Variants in SCML4 observed in about 807,000 individuals in gnomAD.
SCML4 encodes Scm polycomb group protein like 4, also known as sex comb on midleg-like protein 4.
SCML4 carries 34 observed loss-of-function variants against 41.1 expected under a neutral mutation model. The ratio of observed to expected loss-of-function variants is 0.83; its 90% CI spans 0.63 to 1.10. The LOEUF (loss-of-function observed/expected upper bound fraction) is 1.10, where lower values mean the gene tolerates loss of function less well. Among genes scored for constraint, SCML4 ranks in the 50% least tolerant of loss-of-function variants. The pLI, the probability that SCML4 is intolerant of heterozygous loss-of-function variation, is 0.00. For missense variants in SCML4, 522 were observed against 534.1 expected, an observed-to-expected ratio of 0.98 and a Z score of 0.22; for synonymous variants, 214 against 220.9, an observed-to-expected ratio of 0.97 and a Z score of 0.28.
chr6:107,802,548 C>G (rs576175709), intron 1 of SCML4, among the ~76,000 whole-genome samples: 1 of 143,964 alleles, frequency 6.9e-6, no homozygotes, highest in South Asian at 2.2e-4. Context: ...GTCTTTCAGG[C>G]CACTTAAGAG....
At chr6:107,723,971 A>C (rs966108870) in intron 5 of SCML4, among the ~76,000 whole-genome samples, 2 of 152,178 alleles carry the variant, frequency 1.3e-5, no homozygotes, top group Non-Finnish European at 2.9e-5. Context: ...ATGACCAAGT[A>C]GGATTTATCC....
intron 3 of SCML4, among the ~76,000 whole-genome samples, chr6:107,749,112 G>C (rs1158375504): frequency 6.6e-6 from 1 of 152,024 alleles, no homozygotes; most frequent in East Asian, 1.9e-4. Context: ...AGGATTCTCT[G>C]TGTGTGTGCG....
Position 107,821,897 on chromosome 6 carries a change from CAT to C in SCML4, c.-60+2227_-60+2228del, listed in dbSNP as rs201046676. Among the ~76,000 whole-genome samples the C allele has an allele frequency of 3.4e-3, 514 of 152,316 alleles. 3 individuals carry two copies. The highest frequency in any genetic ancestry group is 0.016 in the East Asian group (84 of 5,176). On this transcript the variant is annotated intron_variant, in intron 1 of 7. Coordinates refer to ENST00000369020, the MANE Select transcript of SCML4 (RefSeq NM_198081.5). ...GCGTGTCATAAAGGATGTGTGGACA[CAT>C]GTGTGATGTGTCCTCAGGCCACACA...
At chr6:107,775,174 T>A (rs932991691) in intron 1 of SCML4, among the ~76,000 whole-genome samples, 6 of 152,210 alleles carry the variant, frequency 3.9e-5, no homozygotes, top group African/African-American at 1.4e-4. Context: ...ATTTTTTTCC[T>A]GTTATTTATA....
intron 1 of SCML4, among the ~76,000 whole-genome samples, chr6:107,821,443 A>G (rs1562292712): frequency 6.6e-6 from 1 of 152,254 alleles, no homozygotes. Flanking sequence ...TGTGCCCACC[A>G]AAAGAAAGAA....
chr6:107,799,260 A>T (rs1782930249), intron 1 of SCML4, among the ~76,000 whole-genome samples: 1 of 152,226 alleles, frequency 6.6e-6, no homozygotes, highest in Admixed American at 6.5e-5. Flanking sequence ...GTACAAATAC[A>T]TTAAGAGTTT....
the SCML4 span, among the ~76,000 whole-genome samples, chr6:107,832,002 G>C: frequency 6.6e-6 from 1 of 151,590 alleles, no homozygotes; most frequent in East Asian, 1.9e-4. Context: ...GGTGGAGCTT[G>C]CAGTGAGCCG....
chr6:107,716,475 ACTGT>A (rs760763157), intron 6 of SCML4, among the ~76,000 whole-genome samples: 22 of 152,306 alleles, frequency 1.4e-4, no homozygotes, highest in Non-Finnish European at 3.2e-4. Context: ...TAAGTCGGAA[ACTGT>A]CTGGCCCCCT....
chr6:107,827,025 T>C (rs1367883574), upstream of SCML4, among the ~76,000 whole-genome samples: 1 of 151,858 alleles, frequency 6.6e-6, no homozygotes, highest in Admixed American at 6.6e-5. Context: ...ATCACGCCAC[T>C]GCACTACAGC....
intron 5 of SCML4, among the ~76,000 whole-genome samples, chr6:107,724,544 AAG>A (rs1181797069): frequency 1.8e-4 from 27 of 152,212 alleles, no homozygotes; most frequent in Admixed American, 1.8e-3. Flanking sequence ...TAGTATGAAA[AAG>A]AATAAATAAA....
chr6:107,808,802 G>T (rs945901427), intron 1 of SCML4, among the ~76,000 whole-genome samples: 5 of 152,076 alleles, frequency 3.3e-5, no homozygotes, highest in African/African-American at 9.7e-5. Context: ...ATATGTTGGG[G>T]ATGTGTACTC....
At chr6:107,760,604 G>A (rs1033625824) in intron 2 of SCML4, among the ~76,000 whole-genome samples, 1 of 152,090 alleles carries the variant, frequency 6.6e-6, no homozygotes, top group Non-Finnish European at 1.5e-5. Flanking sequence ...CAGTGTCTCA[G>A]GTGACTGGAA....
the SCML4 span, among the ~76,000 whole-genome samples, chr6:107,829,765 C>CAAAT: frequency 3.6e-5 from 4 of 111,938 alleles, no homozygotes; most frequent in East Asian, 4.2e-4. Context: ...AATAAACAAA[C>CAAAT]AAATAAATAA....
At chr6:107,713,823 G>A (rs951649490) in intron 6 of SCML4, among the ~76,000 whole-genome samples, 1 of 152,152 alleles carries the variant, frequency 6.6e-6, no homozygotes, top group Non-Finnish European at 1.5e-5. Context: ...CAAGTGACCT[G>A]CTCCCACTAG....
the SCML4 span, among the ~76,000 whole-genome samples, chr6:107,843,667 A>T: frequency 1.3e-5 from 2 of 152,164 alleles, no homozygotes; most frequent in Non-Finnish European, 2.9e-5. Context: ...GGCCCTGCAG[A>T]GTTGGGATTG....
chr6:107,707,107 C>A (rs1773715673), intron 7 of SCML4, among the ~76,000 whole-genome samples: 1 of 152,136 alleles, frequency 6.6e-6, no homozygotes, highest in African/African-American at 2.4e-5. Flanking sequence ...ATGAGACCAG[C>A]CTGGCCAACA....
rs1163058698 is a variant in SCML4 at position 107,802,580 on chromosome 6, GAGGAAGGA to G, written c.-60+21538_-60+21545del. On this transcript the variant is annotated intron_variant, in intron 1 of 7. Transcript: ENST00000369020. ...AGAGCATTGGCTCGAGGGAGGGAGG[GAGGAAGGA>G]AGGAAGGAAGGAAGGAAGGAAGGAA... is the stretch of plus-strand genomic sequence containing the variant. Among the ~76,000 whole-genome samples, 113 of 36,456 alleles carry G rather than the reference GAGGAAGGA, an allele frequency of 3.1e-3. 1 individual carries two copies. The highest frequency in any genetic ancestry group is 0.017 in the Admixed American group (45 of 2,674). 23.9% of individuals were successfully genotyped at this position (36,456 alleles called of 152,430 possible). A position where few individuals can be genotyped will look rare whatever the true frequency, so the allele number is the denominator to read the frequency against.
chr6:107,707,759 C>T (rs1192181563), intron 7 of SCML4, 107 bp downstream of exon 7: 8 of 1,414,756 alleles, frequency 5.7e-6, no homozygotes, highest in Non-Finnish European at 7.7e-6. Flanking sequence ...GTTTAGAGCA[C>T]CCCTCCACCA....
chr6:107,778,343 A>G (rs1368794105), intron 1 of SCML4, among the ~76,000 whole-genome samples: 20 of 148,636 alleles, frequency 1.3e-4, no homozygotes, highest in Admixed American at 1.2e-3. Context: ...ACTTCAGTGC[A>G]GTGAATACTA....
Sources: gnomAD v4.1 joint callset for allele counts (sites outside exome capture counted in the v4.1 genomes callset) on GRCh38, gnomAD v4.1.1 for gene constraint, MANE v1.5 for transcripts, NCBI Gene and HGNC (gene_info 2026-07-23, HGNC 2026-07-21) for gene names.